SLC25A26: variants seen among roughly 807,000 people sequenced by gnomAD.
SLC25A26 encodes the protein mitochondrial S-adenosylmethionine carrier protein.
A neutral mutation model predicts 37.8 loss-of-function variants in SLC25A26; 36 were observed. That is an observed-to-expected ratio of 0.95 (90% CI 0.73 to 1.26). The LOEUF (loss-of-function observed/expected upper bound fraction) is 1.26, where lower values mean the gene tolerates loss of function less well. SLC25A26 is among the 50% of genes most tolerant of loss of function. The pLI, the probability that SLC25A26 is intolerant of heterozygous loss-of-function variation, is 0.00. For synonymous variants in SLC25A26, 129 were observed against 122.5 expected, an observed-to-expected ratio of 1.05 and a Z score of -0.35; for missense variants, 390 against 331.1, an observed-to-expected ratio of 1.18 and a Z score of -1.38.
At chr3:66,258,730 G>T (rs1472358485) in intron 3 of SLC25A26, among the ~76,000 whole-genome samples, 1 of 151,950 alleles carries the variant, frequency 6.6e-6, no homozygotes, top group African/African-American at 2.4e-5. Flanking sequence ...GGGCATGGTG[G>T]CACCACCTAC....
In SLC25A26 at chr3:66,277,458, G is replaced by C. The variant is rs370803213; in HGVS notation, c.453+14079G>C. Among the ~76,000 whole-genome samples the C allele has an allele frequency of 3.9e-5, 6 of 152,132 alleles. No individual in the cohort carries two copies. The East Asian group carries it at 9.6e-4, about 24-fold the overall frequency. Reference sequence around the variant, plus strand: ...GGGGGTGGGTAAATGGGGAGATGTTGTTCAAAGGGTACAAATTGTCAGTTA... The same window carrying C: ...GGGGGTGGGTAAATGGGGAGATGTTCTTCAAAGGGTACAAATTGTCAGTTA... On this transcript the variant is annotated intron_variant, in intron 5 of 9. Transcript: ENST00000354883.
intron 5 of SLC25A26, among the ~76,000 whole-genome samples, chr3:66,271,690 C>T (rs760936710): frequency 3.3e-5 from 5 of 152,020 alleles, no homozygotes; most frequent in East Asian, 1.9e-4. Context: ...TAGGATCTGC[C>T]GTATTCTGTC....
chr3:66,308,883 GC>G (rs146983418), intron 5 of SLC25A26, among the ~76,000 whole-genome samples: 6,388 of 152,226 alleles, frequency 0.042, 432 homozygotes, highest in African/African-American at 0.14. Flanking sequence ...CAGGGATGAA[GC>G]CTGCTTGATC....
chr3:66,337,471 G>A (rs1374689705), intron 5 of SLC25A26, among the ~76,000 whole-genome samples: 4 of 152,012 alleles, frequency 2.6e-5, no homozygotes, highest in Admixed American at 2.0e-4. Context: ...GAAATTCTCT[G>A]CATTAGAAAG....
upstream of SLC25A26, among the ~76,000 whole-genome samples, chr3:66,219,779 T>C (rs1351971863): frequency 6.6e-6 from 1 of 152,202 alleles, no homozygotes; most frequent in African/African-American, 2.4e-5. Context: ...TAGAGAGTAC[T>C]TTCTATGAGC....
chr3:66,358,224 T>A (rs2076620601), intron 6 of SLC25A26, among the ~76,000 whole-genome samples: 1 of 152,228 alleles, frequency 6.6e-6, no homozygotes, highest in Non-Finnish European at 1.5e-5. Context: ...TCAAAATATT[T>A]CCATAATTTA....
intron 9 of SLC25A26, 90 bp from the exon 10 acceptor site, chr3:66,377,600 T>C (rs1461117157): frequency 3.2e-6 from 3 of 940,642 alleles, no homozygotes; most frequent in African/African-American, 3.2e-5. Flanking sequence ...CTAATGAGCA[T>C]GGTGTATTGA....
chr3:66,220,579 A>G (rs1375019265), upstream of SLC25A26, among the ~76,000 whole-genome samples: 5 of 152,342 alleles, frequency 3.3e-5, no homozygotes, highest in Admixed American at 6.5e-5. Flanking sequence ...ATCTTCTGAT[A>G]ATGAGTTAAT....
At chr3:66,188,442 G>T (rs2070871876) in intron 1 of SLC25A26, among the ~76,000 whole-genome samples, 4 of 152,198 alleles carry the variant, frequency 2.6e-5, no homozygotes, top group Non-Finnish European at 2.9e-5. Flanking sequence ...CAGAGGGAAG[G>T]AGGGGAATGA....
intron 5 of SLC25A26, among the ~76,000 whole-genome samples, chr3:66,276,363 A>G (rs1050430681): frequency 2.0e-5 from 3 of 152,104 alleles, no homozygotes; most frequent in African/African-American, 7.2e-5. Context: ...TGTGTCTTGC[A>G]GATAAATTCA....
Position 66,370,090 on chromosome 3 carries a change from A to G in SLC25A26, c.634-439A>G, listed in dbSNP as rs73100503. 1.7e-3 allele frequency among the ~76,000 whole-genome samples: 253 copies of G among 152,364 alleles called. 2 individuals carry two copies. The highest frequency in any genetic ancestry group is 3.1e-3 in the Non-Finnish European group (214 of 68,034). On this transcript the variant is annotated intron_variant, in intron 8 of 9. Transcript: ENST00000354883. The stretch of plus-strand genomic sequence containing the variant: ...AACAAATAATGGGCCAAATTTTAGT[A>G]TGGAGGTGGCAGGATCCAACCTAAG...
At chr3:66,274,538 T>A (rs1442570660) in intron 5 of SLC25A26, among the ~76,000 whole-genome samples, 1 of 151,980 alleles carries the variant, frequency 6.6e-6, no homozygotes, top group Non-Finnish European at 1.5e-5. Context: ...TACAATGAAC[T>A]CAAACAAATT....
At chr3:66,250,104 C>T (rs1205734909) in intron 3 of SLC25A26, among the ~76,000 whole-genome samples, 1 of 152,236 alleles carries the variant, frequency 6.6e-6, no homozygotes, top group Non-Finnish European at 1.5e-5. Flanking sequence ...AAAAAATTAT[C>T]TCAACCATAT....
chr3:66,324,713 A>C (rs1418989238), intron 5 of SLC25A26, among the ~76,000 whole-genome samples: 1 of 152,090 alleles, frequency 6.6e-6, no homozygotes, highest in Non-Finnish European at 1.5e-5. Context: ...TAGAAGCAAG[A>C]TGGAGTTGGT....
At chr3:66,165,282 T>C (rs1417593743) in intron 1 of SLC25A26, among the ~76,000 whole-genome samples, 2 of 152,248 alleles carry the variant, frequency 1.3e-5, no homozygotes, top group Non-Finnish European at 1.5e-5. Context: ...CAATGCTGGC[T>C]GATATCTTGA....
intron 6 of SLC25A26, among the ~76,000 whole-genome samples, chr3:66,361,222 T>C (rs1462533940): frequency 6.6e-6 from 1 of 152,212 alleles, no homozygotes; most frequent in Admixed American, 6.5e-5. Flanking sequence ...AATCTACATA[T>C]TGTACCATAT....
At chr3:66,322,719 A>G (rs2075729079) in intron 5 of SLC25A26, among the ~76,000 whole-genome samples, 1 of 152,142 alleles carries the variant, frequency 6.6e-6, no homozygotes, top group South Asian at 2.1e-4. Context: ...CCATGGCTTC[A>G]ACTTCTAACT....
chr3:66,363,096 A>C (rs2076749749), intron 7 of SLC25A26, 167 bp downstream of exon 7: 1 of 159,848 alleles, frequency 6.3e-6, no homozygotes, highest in Non-Finnish European at 1.3e-5. Flanking sequence ...AAAAAAAAAA[A>C]ACTGCTAAAA....
intron 1 of SLC25A26, among the ~76,000 whole-genome samples, chr3:66,234,884 A>G (rs1200794415): frequency 2.6e-5 from 4 of 152,286 alleles, no homozygotes; most frequent in Non-Finnish European, 5.9e-5. Context: ...TAGGTAATGT[A>G]TTTACATGGT....
Sources: allele counts gnomAD v4.1 joint callset (sites outside exome capture counted in the v4.1 genomes callset), GRCh38; gene constraint gnomAD v4.1.1; transcripts MANE v1.5; gene names NCBI Gene and HGNC (gene_info 2026-07-23, HGNC 2026-07-21).